SLC46A2: variants seen among roughly 807,000 people sequenced by gnomAD.
The protein encoded by SLC46A2 is solute carrier family 46 member 2.
In SLC46A2, 25 loss-of-function variants were observed where a neutral mutation model predicts 33.1. That is an observed-to-expected ratio of 0.76 (90% CI 0.55 to 1.06). The LOEUF (loss-of-function observed/expected upper bound fraction) is 1.06. Ranked by LOEUF, SLC46A2 falls within the 50% of genes least tolerant of loss-of-function variation. The pLI is 0.00. For missense variants in SLC46A2, 622 were observed against 621.7 expected (o/e 1.00, Z 0.00); for synonymous variants, 254 against 275.9 (o/e 0.92, Z 0.79).
chr9:112,882,300 T>A (rs746613998), intron 3 of SLC46A2, among the ~76,000 whole-genome samples: 1 of 152,136 alleles, frequency 6.6e-6, no homozygotes, highest in East Asian at 1.9e-4. Flanking sequence ...AGAGTTGGGG[T>A]CTCACTATAT....
Position 112,879,054 on chromosome 9 carries a change from A to C in SLC46A2, c.*708T>G, listed in dbSNP as rs1219898682. On this transcript the variant is annotated 3_prime_UTR_variant, in exon 4 of 4. Transcript: ENST00000374228. ...CTTCACACCACCCACTTTGGGAAGC[A>C]CTGTTGACTGGAAGTACTCAATTGA... 1 of 152,196 alleles carries C rather than the reference A, an allele frequency of 6.6e-6. No individual in the cohort carries two copies. The highest frequency in any genetic ancestry group is 2.4e-5 in the African/African-American group (1 of 41,446). The allele number at this position is 152,196 out of a possible 1,614,324, so 9.4% of individuals were successfully genotyped here. A position where few individuals can be genotyped will look rare whatever the true frequency, so the allele number is the denominator to read the frequency against.
intron 1 of SLC46A2, among the ~76,000 whole-genome samples, chr9:112,888,278 A>AAAAAC (rs76017388): frequency 2.7e-4 from 41 of 152,148 alleles, no homozygotes; most frequent in African/African-American, 5.8e-4. Context: ...ACTCCATCTC[A>AAAAAC]AAAACAAAAC....
At chr9:112,886,732 C>G in intron 2 of SLC46A2, 116 bp from the exon 3 acceptor site, 1 of 1,085,552 alleles carries the variant, frequency 9.2e-7, no homozygotes, top group Non-Finnish European at 1.3e-6. Context: ...CTCTCTCTCT[C>G]TCTTTTTTTA....
chr9:112,884,628 T>C (rs1177102984), intron 3 of SLC46A2, among the ~76,000 whole-genome samples: 1 of 152,186 alleles, frequency 6.6e-6, no homozygotes, highest in Non-Finnish European at 1.5e-5. Context: ...TAGCAGTCAA[T>C]TTAAAATCTG....
chr9:112,881,986 G>A (rs4979177), intron 3 of SLC46A2, among the ~76,000 whole-genome samples: 125,055 of 152,140 alleles, frequency 0.82, 52,563 homozygotes, highest in Non-Finnish European at 0.91. Context: ...GAGGGGAGGC[G>A]ACTGTGGCTG....
intron 3 of SLC46A2, among the ~76,000 whole-genome samples, chr9:112,884,981 C>A (rs1410641668): frequency 6.6e-6 from 1 of 152,114 alleles, no homozygotes; most frequent in African/African-American, 2.4e-5. Flanking sequence ...AAAATCCAAC[C>A]CATTCAGCCA....
intron 3 of SLC46A2, among the ~76,000 whole-genome samples, chr9:112,882,953 A>G (rs1841599015): frequency 6.6e-6 from 1 of 152,220 alleles, no homozygotes; most frequent in African/African-American, 2.4e-5. Context: ...AATGGGAGAA[A>G]AGCCAGAAGA....
intron 3 of SLC46A2, 67 bp downstream of exon 3, chr9:112,886,393 G>C: frequency 6.5e-7 from 1 of 1,539,078 alleles, no homozygotes; most frequent in Non-Finnish European, 9.0e-7. Flanking sequence ...GGCTGGAGAA[G>C]GTCCAACATT....
At position 112,889,936 on chromosome 9, in the gene SLC46A2, G is replaced by T; in HGVS notation, c.746C>A (p.Thr249Lys). 1 of 1,614,226 alleles carries T rather than the reference G, an allele frequency of 6.2e-7. No individual in the cohort carries two copies. The highest frequency in any genetic ancestry group is 8.5e-7 in the Non-Finnish European group (1 of 1,180,044). Residue 249 changes from threonine (T) to lysine (K), a missense_variant, in exon 1 of 4, where the codon ACG becomes AAG. Physicochemically the swap from Thr to Lys is moderately conservative, Grantham distance 78. Transcript: ENST00000374228. ...ATCCAGAGTGCGGTATGTGCCAACC[G>T]TGCCAGACACGGTATCCACGGCGGG... Reference protein sequence around the residue: ...ELPAVDTVSGTVGTYRTLDPD... With the variant: ...ELPAVDTVSGKVGTYRTLDPD...
intron 3 of SLC46A2, among the ~76,000 whole-genome samples, chr9:112,880,988 G>A (rs1055178688): frequency 7.2e-5 from 11 of 152,112 alleles, no homozygotes; most frequent in Non-Finnish European, 1.5e-4. Context: ...TTCTGCCTGA[G>A]GATGAACTCC....
chr9:112,890,658 C>T lies in SLC46A2; in HGVS notation c.24G>A (p.Pro8=), dbSNP rs73656454. Residue 8 remains proline (P), a synonymous_variant, in exon 1 of 4, where the codon CCG becomes CCA. Transcript: ENST00000374228. This position sits in a 1 kb window ranked among gnomAD's most constrained non-coding sequence, Gnocchi z 6.0. ...GGAAGCGAGGCAGGTGGCCCCTCCGCGGGCAGGTGACCTCGGGGCTCATGT... is the reference window on the plus strand; with the variant it reads ...GGAAGCGAGGCAGGTGGCCCCTCCGTGGGCAGGTGACCTCGGGGCTCATGT... MSPEVTC[P]RRGHLPRFHP... is the part of the protein sequence containing the mutation. The T allele has an allele frequency of 5.2e-4, 836 of 1,598,250 alleles. 6 individuals carry two copies. The African/African-American group carries it at 9.4e-3, about 18-fold the overall frequency.
At position 112,890,252 on chromosome 9, in the gene SLC46A2, C is replaced by A; in HGVS notation, c.430G>T (p.Gly144Trp). Residue 144 changes from glycine (G) to tryptophan (W), a missense_variant, in exon 1 of 4, where the codon GGG (glycine) becomes TGG (tryptophan). Gly to Trp is a radical substitution (Grantham distance 184). Coordinates refer to ENST00000374228, the MANE Select transcript of SLC46A2 (RefSeq NM_033051.4). This position sits in a 1 kb window ranked among gnomAD's most constrained non-coding sequence, Gnocchi z 6.0. ...EVLYGAAALN[G>W]LFGGFSAFWS... ...AAGGCGGAGAAGCCGCCGAATAGCCCGTTCAGCGCCGCCGCCCCGTACAGC... is the reference window on the plus strand; with the variant it reads ...AAGGCGGAGAAGCCGCCGAATAGCCAGTTCAGCGCCGCCGCCCCGTACAGC... The A allele has an allele frequency of 6.2e-7, 1 of 1,613,268 alleles. No individual in the cohort carries two copies.
chr9:112,879,441 T>A lies in SLC46A2; in HGVS notation c.*321A>T, dbSNP rs1358501049. 2 of 271,134 alleles carry A rather than the reference T, an allele frequency of 7.4e-6. No homozygotes were observed. The highest frequency in any genetic ancestry group is 1.4e-5 in the Non-Finnish European group (2 of 141,704). The allele number at this position is 271,134 out of a possible 1,614,324, so 16.8% of individuals were successfully genotyped here. ...AGGGGCAGGCTCGCTGTAGCTGGAG[T>A]CTGAAGCCCCTCACAGGGCCTGGGA... On this transcript the variant is annotated 3_prime_UTR_variant, in exon 4 of 4. Transcript: ENST00000374228.
At chr9:112,884,180 G>A (rs1056057775) in intron 3 of SLC46A2, among the ~76,000 whole-genome samples, 1 of 152,204 alleles carries the variant, frequency 6.6e-6, no homozygotes, top group Non-Finnish European at 1.5e-5. Context: ...TTTGGTACCA[G>A]GAAGAGGTGC....
rs1827221188 is a variant in SLC46A2, at chr9:112,890,819, C to T, written c.-138G>A. The T allele has an allele frequency of 1.4e-5, 11 of 762,378 alleles. No individual in the cohort carries two copies. The highest frequency in any genetic ancestry group is 2.1e-5 in the Non-Finnish European group (11 of 531,702). The allele number at this position is 762,378 out of a possible 1,614,324, so 47.2% of individuals were successfully genotyped here. ...CGTGCGCCGGGAGCGCGAGTGTGCT[C>T]CGTGCGCCGGGAGCGCGCCGGCCAG... On this transcript the variant is annotated 5_prime_UTR_variant, in exon 1 of 4. Transcript: ENST00000374228. The surrounding 1 kb of genome is among the most constrained non-coding windows in gnomAD (Gnocchi z 6.0).
chr9:112,888,111 C>T (rs1841669281), intron 1 of SLC46A2, among the ~76,000 whole-genome samples: 1 of 152,062 alleles, frequency 6.6e-6, no homozygotes, highest in South Asian at 2.1e-4. Flanking sequence ...AACCCTGTCT[C>T]TACTAGAAAT....
chr9:112,881,062 G>A (rs563069879), intron 3 of SLC46A2, among the ~76,000 whole-genome samples: 7 of 152,270 alleles, frequency 4.6e-5, no homozygotes, highest in South Asian at 2.1e-4. Context: ...CTGCCTCATC[G>A]TCTGCCTTTC....
intron 3 of SLC46A2, among the ~76,000 whole-genome samples, chr9:112,882,034 T>A (rs1318214564): frequency 6.6e-6 from 1 of 151,420 alleles, no homozygotes; most frequent in Non-Finnish European, 1.5e-5. Context: ...GAATAGGAGG[T>A]GAGAGAGGGT....
At position 112,886,621 on chromosome 9, in the gene SLC46A2, G is replaced by A. The variant is rs747903118; in HGVS notation, c.1214-5C>T. 1 of 1,613,786 alleles carries A rather than the reference G, an allele frequency of 6.2e-7. No individual in the cohort carries two copies. Among genetic ancestry groups the A allele is most frequent in the East Asian group, 2.2e-5 (1 of 44,870 alleles). On this transcript the variant is annotated splice_region_variant and splice_polypyrimidine_tract_variant and intron_variant, in intron 2 of 3. Coordinates refer to ENST00000374228, the MANE Select transcript of SLC46A2 (RefSeq NM_033051.4). ...GCAGTATGACGAACACCTTTCCTGT[G>A]GAAGGGACAGAGGTTACTCCGGAGT...
Sources: gnomAD v4.1 joint callset for allele counts (sites outside exome capture counted in the v4.1 genomes callset) on GRCh38, gnomAD v4.1.1 for gene constraint, Gnocchi (gnomAD v3.1) non-coding constraint, MANE v1.5 for transcripts, NCBI Gene and HGNC (gene_info 2026-07-23, HGNC 2026-07-21) for gene names.